Variants in PPM1L observed in about 807,000 individuals in gnomAD.
PPM1L encodes protein phosphatase 1L.
PPM1L carries 13 observed loss-of-function variants against 31.4 expected under a neutral mutation model. The ratio of observed to expected loss-of-function variants is 0.41; its 90% CI spans 0.27 to 0.66. The LOEUF (loss-of-function observed/expected upper bound fraction) is 0.66, where lower values mean the gene tolerates loss of function less well. PPM1L is among the 30% of genes least tolerant of loss of function. PPM1L has a pLI of 0.29. For synonymous variants in PPM1L, 184 were observed against 175.4 expected, an observed-to-expected ratio of 1.05 and a Z score of -0.39; for missense variants, 326 against 453.7, an observed-to-expected ratio of 0.72 and a Z score of 2.56.
intron 1 of PPM1L, among the ~76,000 whole-genome samples, chr3:160,845,537 G>A (rs572368718): frequency 7.9e-5 from 12 of 151,366 alleles, no homozygotes; most frequent in African/African-American, 2.9e-4. Context: ...ATTATTTTTG[G>A]TCTCTTGTGT....
intron 1 of PPM1L, among the ~76,000 whole-genome samples, chr3:160,830,015 C>T (rs1184165152): frequency 6.6e-6 from 1 of 152,126 alleles, no homozygotes; most frequent in Non-Finnish European, 1.5e-5. Flanking sequence ...ATAAACAGGG[C>T]TGAAATCTTT....
At chr3:160,877,662 G>A (rs1206145125) in intron 1 of PPM1L, among the ~76,000 whole-genome samples, 3 of 152,170 alleles carry the variant, frequency 2.0e-5, no homozygotes, top group African/African-American at 7.2e-5. Context: ...GCTCCCAAGT[G>A]GGACTTCCGG....
chr3:160,895,411 TCTTGCTATATTGCCCAGG>T (rs1713301397), intron 1 of PPM1L, among the ~76,000 whole-genome samples: 3 of 152,154 alleles, frequency 2.0e-5, no homozygotes, highest in Admixed American at 1.3e-4. Flanking sequence ...AGAGACCAGG[TCTTGCTATATTGCCCAGG>T]CTGGTCTCAA....
At chr3:160,786,187 G>GTGTGTGTATA (rs1302285733) in intron 1 of PPM1L, among the ~76,000 whole-genome samples, 37 of 39,436 alleles carry the variant, frequency 9.4e-4, no homozygotes, top group Admixed American at 3.5e-3. Context: ...GTGTGTGTGT[G>GTGTGTGTATA]TATATATATA....
chr3:160,861,241 A>G (rs1711878794), intron 1 of PPM1L, among the ~76,000 whole-genome samples: 1 of 152,198 alleles, frequency 6.6e-6, no homozygotes, highest in Admixed American at 6.5e-5. Flanking sequence ...TGTATAGAGT[A>G]AGGATTATAA....
At chr3:160,877,671 G>A (rs1405304635) in intron 1 of PPM1L, among the ~76,000 whole-genome samples, 1 of 152,146 alleles carries the variant, frequency 6.6e-6, no homozygotes, top group Non-Finnish European at 1.5e-5. Context: ...TGGGACTTCC[G>A]GTCCAAAGTG....
At chr3:160,994,686 A>G (rs548427165) in intron 2 of PPM1L, among the ~76,000 whole-genome samples, 7 of 152,336 alleles carry the variant, frequency 4.6e-5, no homozygotes, top group South Asian at 2.1e-4. Flanking sequence ...TGGAAATTCA[A>G]CTGTGAACAA....
chr3:161,001,972 T>C, intron 2 of PPM1L, among the ~76,000 whole-genome samples: 1 of 151,522 alleles, frequency 6.6e-6, no homozygotes, highest in African/African-American at 2.4e-5. Context: ...TATCTCCCAA[T>C]GCTATCCCTC....
chr3:161,066,889 T>C (rs905211888), intron 3 of PPM1L, among the ~76,000 whole-genome samples: 1 of 152,230 alleles, frequency 6.6e-6, no homozygotes, highest in African/African-American at 2.4e-5. Context: ...TTGAATTTTA[T>C]TACAATCTCC....
intron 1 of PPM1L, among the ~76,000 whole-genome samples, chr3:160,950,678 A>G (rs961074923): frequency 1.3e-5 from 2 of 152,194 alleles, no homozygotes; most frequent in African/African-American, 4.8e-5. Context: ...TGCTACTCCT[A>G]TATAAATAGT....
chr3:160,930,419 G>A lies in PPM1L; in HGVS notation c.400-31317G>A, dbSNP rs115641123. Among the ~76,000 whole-genome samples, 956 of 152,278 alleles carry A rather than the reference G, an allele frequency of 6.3e-3. 9 individuals are homozygous for A. The highest frequency in any genetic ancestry group is 0.022 in the African/African-American group (913 of 41,562). ...AAGAAAACACTTGCAAGAGATTTAT[G>A]GGGGCTAGCCTGAGTGACTTGTTTC... On this transcript the variant is annotated intron_variant, in intron 1 of 3. Transcript: ENST00000498165.
intron 2 of PPM1L, among the ~76,000 whole-genome samples, chr3:160,980,575 A>G (rs1273644755): frequency 1.3e-5 from 2 of 149,864 alleles, no homozygotes; most frequent in Admixed American, 1.3e-4. Context: ...GGCTGAGGTG[A>G]GAGGATCGCT....
At chr3:160,773,177 A>G (rs1274139890) in intron 1 of PPM1L, among the ~76,000 whole-genome samples, 2 of 152,150 alleles carry the variant, frequency 1.3e-5, no homozygotes, top group Non-Finnish European at 2.9e-5. Flanking sequence ...TAATCTTTTT[A>G]ATTTTAGCCA....
At position 161,015,203 on chromosome 3, in the gene PPM1L, G is replaced by A. The variant is rs376838579; in HGVS notation, c.575-50200G>A. Among the ~76,000 whole-genome samples, 73 of 152,098 alleles carry A rather than the reference G, an allele frequency of 4.8e-4. 1 individual carries two copies. The South Asian group carries it at 0.011, about 22-fold the overall frequency. On this transcript the variant is annotated intron_variant, in intron 2 of 3. Transcript: ENST00000498165. The stretch of plus-strand genomic sequence containing the variant: ...TCTATTTTTAAATTAATAATCATGC[G>A]CTATCCTTCCTTCCCCTAAACCAGC...
At position 161,070,424 on chromosome 3, in the gene PPM1L, G is replaced by A. The variant is rs934327710; in HGVS notation, c.*1267G>A. On this transcript the variant is annotated 3_prime_UTR_variant, in exon 4 of 4. Coordinates refer to ENST00000498165, the MANE Select transcript of PPM1L (RefSeq NM_139245.4). ...CGCCCCGTGGCCTGCAGGCCTGCAG[G>A]GGAGGCAGCAAAGGGACCTGGCAGT... The A allele has an allele frequency of 2.0e-5, 3 of 152,204 alleles. No individual in the cohort carries two copies. The highest frequency in any genetic ancestry group is 4.4e-5 in the Non-Finnish European group (3 of 68,056). The allele number at this position is 152,204 out of a possible 1,614,324, so 9.4% of individuals were successfully genotyped here. A position where few individuals can be genotyped will look rare whatever the true frequency, so the allele number is the denominator to read the frequency against.
At chr3:160,782,191 T>G (rs774154495) in intron 1 of PPM1L, among the ~76,000 whole-genome samples, 7 of 152,186 alleles carry the variant, frequency 4.6e-5, no homozygotes, top group Non-Finnish European at 1.0e-4. Context: ...AAATAAATGT[T>G]GTCATGATTA....
At chr3:160,979,319 A>C (rs920357387) in intron 2 of PPM1L, among the ~76,000 whole-genome samples, 1 of 151,928 alleles carries the variant, frequency 6.6e-6, no homozygotes, top group African/African-American at 2.4e-5. Flanking sequence ...CAAGGTGGAA[A>C]CCCACCTTGG....
intron 1 of PPM1L, among the ~76,000 whole-genome samples, chr3:160,778,271 A>C (rs935997625): frequency 7.2e-5 from 11 of 152,092 alleles, no homozygotes; most frequent in African/African-American, 2.7e-4. Context: ...TATGTAGTCC[A>C]GATATTAATC....
At chr3:160,987,992 C>A (rs1717019241) in intron 2 of PPM1L, among the ~76,000 whole-genome samples, 1 of 152,118 alleles carries the variant, frequency 6.6e-6, no homozygotes, top group Non-Finnish European at 1.5e-5. Context: ...CCTTTCCTGA[C>A]CCTGGAAGAG....
Sources: gnomAD v4.1 joint callset for allele counts (sites outside exome capture counted in the v4.1 genomes callset) on GRCh38, gnomAD v4.1.1 for gene constraint, MANE v1.5 for transcripts, NCBI Gene and HGNC (gene_info 2026-07-23, HGNC 2026-07-21) for gene names.